Variants in PLS3 observed in about 807,000 individuals in gnomAD.
PLS3 encodes the protein plastin 3.
In PLS3, 11 loss-of-function variants were observed where a neutral mutation model predicts 46.5. The observed-to-expected ratio is 0.24, with a 90% confidence interval of 0.15 to 0.39. The LOEUF is 0.39. Ranked by LOEUF, PLS3 falls within the 10% of genes least tolerant of loss-of-function variation. The pLI is 1.00. For synonymous variants in PLS3, 167 were observed against 162.2 expected (o/e 1.03, Z -0.22); for missense variants, 308 against 461.8 (o/e 0.67, Z 3.05).
Position 115,647,565 on chromosome X carries a change from C to T in PLS3, c.1527C>T (p.Val509=). ...WQLMRRYTLN[V]LEDLGDGQKA... ...CCTCTCTTAGATATACCCTCAATGT[C>T]CTGGAAGATCTTGGAGATGGTCAGA... The change falls in exon 14 of 16, where the codon GTC becomes GTT. Residue 509 remains valine (V), a synonymous_variant. Coordinates refer to ENST00000355899, the MANE Select transcript of PLS3 (RefSeq NM_005032.7). The T allele has an allele frequency of 2.5e-6, 3 of 1,204,659 alleles. No homozygotes were observed. Among genetic ancestry groups the T allele is most frequent in the Non-Finnish European group, 3.4e-6 (3 of 888,917 alleles).
At chrX:115,637,829 G>A (rs2074853428) in intron 8 of PLS3, among the ~76,000 whole-genome samples, 1 of 112,220 alleles carries the variant, frequency 8.9e-6, no homozygotes, top group African/African-American at 3.2e-5. Context: ...AGAGGAAGCA[G>A]TGAGTTGCCT....
intron 1 of PLS3, among the ~76,000 whole-genome samples, chrX:115,605,485 T>C (rs2074481741): frequency 8.9e-6 from 1 of 111,990 alleles, no homozygotes; most frequent in Non-Finnish European, 1.9e-5. Flanking sequence ...AGACAGGGTC[T>C]TGCTCTGTCA....
intron 2 of PLS3, among the ~76,000 whole-genome samples, chrX:115,619,297 TG>T (rs782417538): frequency 4.4e-5 from 5 of 112,387 alleles, no homozygotes; most frequent in Non-Finnish European, 7.5e-5. Flanking sequence ...TTATTCCCAC[TG>T]TGTGTCTCTT....
intron 1 of PLS3, among the ~76,000 whole-genome samples, chrX:115,563,083 C>T (rs953573058): frequency 1.8e-5 from 2 of 111,295 alleles, no homozygotes; most frequent in African/African-American, 6.5e-5. Flanking sequence ...GGAAGTCATC[C>T]TATTACTCAT....
intron 3 of PLS3, among the ~76,000 whole-genome samples, chrX:115,622,731 T>C (rs1171453205): frequency 9.0e-6 from 1 of 111,262 alleles, no homozygotes; most frequent in Non-Finnish European, 1.9e-5. Context: ...ATCTTTGAAG[T>C]GTTCTCTCTC....
In PLS3 at chrX:115,570,526, C is replaced by CAG. The variant is rs1471922991; in HGVS notation, c.-9+9269_-9+9270dup. Among the ~76,000 whole-genome samples the CAG allele has an allele frequency of 6.5e-4, 46 of 70,783 alleles. 1 individual carries two copies. Among genetic ancestry groups the CAG allele is most frequent in the African/African-American group, 3.1e-3 (46 of 14,983 alleles). The allele number at this position is 70,783 out of a possible 115,157, so 61.5% of individuals were successfully genotyped here. A position where few individuals can be genotyped will look rare whatever the true frequency, so the allele number is the denominator to read the frequency against. ...TCCTTTTTTTTTTTTTTTTTTTGGA[C>CAG]AGAGTCTTGCTTTGTCGCCCAGGCT... On this transcript the variant is annotated intron_variant, in intron 1 of 15. Coordinates refer to ENST00000355899, the MANE Select transcript of PLS3 (RefSeq NM_005032.7).
At chrX:115,587,399 C>T (rs1048608146) in intron 1 of PLS3, among the ~76,000 whole-genome samples, 22 of 112,031 alleles carry the variant, frequency 2.0e-4, no homozygotes, top group African/African-American at 7.1e-4. Context: ...AAAGCACTTG[C>T]GCAGCTGTTT....
intron 1 of PLS3, among the ~76,000 whole-genome samples, chrX:115,579,249 G>C (rs1453344609): frequency 1.8e-5 from 2 of 111,774 alleles, no homozygotes; most frequent in Non-Finnish European, 3.8e-5. Context: ...TCAATACCTC[G>C]TTCCTTTTCA....
At chrX:115,575,108 T>C (rs1364394881) in intron 1 of PLS3, among the ~76,000 whole-genome samples, 1 of 111,909 alleles carries the variant, frequency 8.9e-6, no homozygotes, top group Non-Finnish European at 1.9e-5. Flanking sequence ...TAATAGGTGG[T>C]ATTTTGTGAC....
chrX:115,570,811 T>G (rs1487258299), intron 1 of PLS3, among the ~76,000 whole-genome samples: 1 of 110,511 alleles, frequency 9.0e-6, no homozygotes, highest in East Asian at 2.8e-4. Context: ...TTTTTCATTG[T>G]GAATGTGAAG....
intron 1 of PLS3, among the ~76,000 whole-genome samples, chrX:115,601,177 G>A (rs1311096029): frequency 9.1e-6 from 1 of 110,016 alleles, no homozygotes; most frequent in African/African-American, 3.3e-5. Context: ...TCTCTCCAGG[G>A]AGTGGAAGAA....
intron 3 of PLS3, among the ~76,000 whole-genome samples, chrX:115,622,777 AC>A (rs1449247315): frequency 9.0e-6 from 1 of 111,354 alleles, no homozygotes; most frequent in Non-Finnish European, 1.9e-5. Flanking sequence ...TTTTAATAAT[AC>A]ACCCTGACTC....
chrX:115,577,221 CAT>C (rs1417709970), intron 1 of PLS3, among the ~76,000 whole-genome samples: 1 of 111,778 alleles, frequency 8.9e-6, no homozygotes, highest in Non-Finnish European at 1.9e-5. Context: ...CTCTGAAACT[CAT>C]ATCACCCATG....
Position 115,646,542 on chromosome X carries a change from T to G in PLS3, c.1511+7T>G. On this transcript the variant is annotated splice_region_variant and intron_variant, in intron 13 of 15. Transcript: ENST00000355899. ...TCTGGCAGCTGATGAGAAGGTATAG[T>G]ACACAATTTTAGCTGTTTAGTCTTT... is the stretch of plus-strand genomic sequence containing the variant. 3 of 1,205,122 alleles carry G rather than the reference T, an allele frequency of 2.5e-6. No homozygotes were observed. The highest frequency in any genetic ancestry group is 1.1e-6 in the Non-Finnish European group (1 of 891,369).
At chrX:115,615,523 G>C (rs6643988) in intron 2 of PLS3, among the ~76,000 whole-genome samples, 3,281 of 105,821 alleles carry the variant, frequency 0.031, 73 homozygotes, top group African/African-American at 0.068. Flanking sequence ...GAGAGAGAGA[G>C]AGAGAGAAAG....
At chrX:115,614,643 A>T in intron 2 of PLS3, 1 of 470,477 alleles carries the variant, frequency 2.1e-6, no homozygotes, top group Non-Finnish European at 2.6e-6. Context: ...TTCACTGCTT[A>T]GATCTTGGGA....
intron 10 of PLS3, among the ~76,000 whole-genome samples, chrX:115,644,459 A>G (rs2074930269): frequency 9.1e-6 from 1 of 109,890 alleles, no homozygotes; most frequent in East Asian, 2.8e-4. Flanking sequence ...TTAGGCAGGC[A>G]TTGTGGTGCG....
intron 2 of PLS3, among the ~76,000 whole-genome samples, chrX:115,613,091 A>T (rs2074562113): frequency 8.9e-6 from 1 of 112,091 alleles, no homozygotes; most frequent in African/African-American, 3.2e-5. Flanking sequence ...ATTACTTGTC[A>T]TAAAGAAAAA....
At chrX:115,629,720 CAT>C (rs1260700570) in intron 4 of PLS3, 113 bp from the exon 5 acceptor site, 2 of 473,959 alleles carry the variant, frequency 4.2e-6, no homozygotes, top group Non-Finnish European at 7.0e-6. Context: ...AGAATAACCA[CAT>C]GTTTCTGACA....
Sources: allele counts gnomAD v4.1 joint callset (sites outside exome capture counted in the v4.1 genomes callset), GRCh38; gene constraint gnomAD v4.1.1; transcripts MANE v1.5; gene names NCBI Gene and HGNC (gene_info 2026-07-23, HGNC 2026-07-21).